RAD52: variants seen among roughly 807,000 people sequenced by gnomAD.
RAD52 encodes the protein DNA repair protein RAD52 homolog.
RAD52 carries 47 observed loss-of-function variants against 55.5 expected under a neutral mutation model. The ratio of observed to expected loss-of-function variants is 0.85; its 90% confidence interval spans 0.67 to 1.08. The LOEUF (loss-of-function observed/expected upper bound fraction) is 1.08, where lower values mean the gene tolerates loss of function less well. Ranked by LOEUF, RAD52 falls within the 50% of genes least tolerant of loss-of-function variation. RAD52 has a pLI of 0.00. For missense variants in RAD52, 468 were observed against 522.8 expected (o/e 0.90, Z 1.02); for synonymous variants, 184 against 198.9 (o/e 0.92, Z 0.63).
chr12:941,173 T>C (rs1254909173), intron 1 of RAD52, among the ~76,000 whole-genome samples: 1 of 151,916 alleles, frequency 6.6e-6, no homozygotes, highest in African/African-American at 2.4e-5. Context: ...TGAAAGCAGG[T>C]AGAGAATGAT....
intron 1 of RAD52, among the ~76,000 whole-genome samples, chr12:958,287 C>T (rs1958637315): frequency 6.6e-6 from 1 of 152,196 alleles, no homozygotes; most frequent in Non-Finnish European, 1.5e-5. Context: ...CAGATCTTGG[C>T]TCACTGCAAA....
intron 1 of RAD52, 102 bp from the exon 2 acceptor site, chr12:933,178 G>T: frequency 1.3e-6 from 1 of 793,218 alleles, no homozygotes; most frequent in Non-Finnish European, 2.0e-6. Context: ...TCCTTATGCG[G>T]CCAGGCACAG....
rs780419401 is a variant in RAD52 at position 913,970 on chromosome 12, G to A, written c.1119C>T (p.Ser373=). The A allele has an allele frequency of 4.6e-5, 74 of 1,614,022 alleles. No individual in the cohort carries two copies. The highest frequency in any genetic ancestry group is 1.3e-4 in the Admixed American group (8 of 59,990). The change falls in exon 11 of 12, where the codon AGC becomes AGT. Residue 373 remains serine (S), a synonymous_variant. Coordinates refer to ENST00000358495, the MANE Select transcript of RAD52 (RefSeq NM_134424.4). The stretch of plus-strand genomic sequence containing the variant: ...TTGCTTGTGGTTTCTGGTGGCAAAC[G>A]CTGTGTGGAGTCCTGTTCTGGGTCA... ...QMVTQNRTPH[S]VCHQKPQAKS... is the part of the protein sequence containing the mutation.
intron 1 of RAD52, among the ~76,000 whole-genome samples, chr12:960,497 G>A (rs1412342689): frequency 6.6e-6 from 1 of 152,136 alleles, no homozygotes; most frequent in Non-Finnish European, 1.5e-5. Flanking sequence ...TTGTTTGCTT[G>A]TTCTGACACC....
rs1565672998 is a variant in RAD52, at chr12:932,815, A to ACG, written c.84+159_84+160insCG. Among the ~76,000 whole-genome samples the ACG allele has an allele frequency of 2.4e-3, 203 of 85,394 alleles. 2 individuals carry two copies. Among genetic ancestry groups the ACG allele is most frequent in the African/African-American group, 3.2e-3 (97 of 29,998 alleles). 56.0% of individuals were successfully genotyped at this position (85,394 alleles called of 152,430 possible). A position where few individuals can be genotyped will look rare whatever the true frequency, so the allele number is the denominator to read the frequency against. On this transcript the variant is annotated intron_variant, in intron 2 of 11. Coordinates refer to ENST00000358495, the MANE Select transcript of RAD52 (RefSeq NM_134424.4). ...CGCGTCAACGTACTAGGTACTGCTC[A>ACG]CACACGTACTAGGTAAACGTACTAG...
At chr12:968,766 C>A (rs1958802359) in intron 1 of RAD52, among the ~76,000 whole-genome samples, 1 of 152,014 alleles carries the variant, frequency 6.6e-6, no homozygotes, top group Non-Finnish European at 1.5e-5. Context: ...CTGAGAAGGC[C>A]CTGAACCTGC....
chr12:978,057 G>GT (rs1254834522), intron 1 of RAD52, among the ~76,000 whole-genome samples: 1 of 152,206 alleles, frequency 6.6e-6, no homozygotes, highest in African/African-American at 2.4e-5. Context: ...TTCCAGGCCA[G>GT]TTGTCTTATA....
chr12:916,629 G>A lies in RAD52; in HGVS notation c.725+10C>T, dbSNP rs1956399795. On this transcript the variant is annotated intron_variant, in intron 8 of 11. Transcript: ENST00000358495. ...GCCGCAGAGGAAAGGAGGGGACTTA[G>A]GCCGCATACCGGGAGCTGCAGTCCT... 20 of 1,611,192 alleles carry A rather than the reference G, an allele frequency of 1.2e-5. No individual in the cohort carries two copies. Among genetic ancestry groups the A allele is most frequent in the African/African-American group, 2.7e-5 (2 of 74,968 alleles).
intron 6 of RAD52, 113 bp downstream of exon 6, chr12:927,032 G>A (rs1957073227): frequency 4.6e-6 from 7 of 1,518,642 alleles, no homozygotes; most frequent in Middle Eastern, 2.2e-4. Context: ...TACCTTCCAC[G>A]CTGCTTGGAT....
At chr12:917,286 A>G (rs1408843863) in intron 7 of RAD52, among the ~76,000 whole-genome samples, 1 of 152,164 alleles carries the variant, frequency 6.6e-6, no homozygotes, top group Non-Finnish European at 1.5e-5. Context: ...GGAGGCACGG[A>G]CGCCGGCTGC....
chr12:927,269 GGCAGAAAAGGA>G lies in RAD52; in HGVS notation c.349-17_349-7del. The G allele has an allele frequency of 6.2e-7, 1 of 1,603,620 alleles. No individual in the cohort carries two copies. The highest frequency in any genetic ancestry group is 8.5e-7 in the Non-Finnish European group (1 of 1,170,578). ...TCTTCATGATATGAACCATCCTGGG[GGCAGAAAAGGA>G]GTTTGAACTCAAACACGAGAGCGGC... On this transcript the variant is annotated splice_polypyrimidine_tract_variant and splice_region_variant and intron_variant, in intron 5 of 11. Transcript: ENST00000358495.
chr12:955,622 C>T (rs562787841), intron 1 of RAD52, among the ~76,000 whole-genome samples: 8 of 152,034 alleles, frequency 5.3e-5, no homozygotes, highest in East Asian at 1.9e-4. Context: ...TACAGGCACA[C>T]GCCACCACGC....
At chr12:950,979 C>G (rs572674515), upstream of RAD52, among the ~76,000 whole-genome samples, 1 of 151,158 alleles carries the variant, frequency 6.6e-6, no homozygotes, top group African/African-American at 2.4e-5. Context: ...CTCGAACTCC[C>G]AACCTCAGGT....
intron 1 of RAD52, among the ~76,000 whole-genome samples, chr12:942,078 T>G (rs970791334): frequency 1.3e-5 from 2 of 152,222 alleles, no homozygotes; most frequent in Admixed American, 6.5e-5. Context: ...TTTACCAGAC[T>G]TTTCTGTAAA....
At chr12:930,369 A>G (rs10849593) in intron 3 of RAD52, among the ~76,000 whole-genome samples, 20,545 of 151,872 alleles carry the variant, frequency 0.14, 1,672 homozygotes, top group Middle Eastern at 0.22. Flanking sequence ...ACAGAGTGAG[A>G]ACCAGTCTGT....
At position 914,548 on chromosome 12, in the gene RAD52, G is replaced by T. The variant is rs762488517; in HGVS notation, c.866-16C>A. On this transcript the variant is annotated splice_polypyrimidine_tract_variant and intron_variant, in intron 9 of 11. Transcript: ENST00000358495. Reference sequence around the variant, plus strand: ...GGAGGCGCTGCTACGGTTCACAGAGGAGAGAAAGGACAAGTCATCATCACA... The same window carrying T: ...GGAGGCGCTGCTACGGTTCACAGAGTAGAGAAAGGACAAGTCATCATCACA... The T allele has an allele frequency of 6.2e-7, 1 of 1,612,450 alleles. No individual in the cohort carries two copies. Among genetic ancestry groups the T allele is most frequent in the Non-Finnish European group, 8.5e-7 (1 of 1,179,788 alleles).
chr12:982,724 G>T (rs908584439), intron 1 of RAD52, among the ~76,000 whole-genome samples: 22 of 146,750 alleles, frequency 1.5e-4, no homozygotes, highest in Admixed American at 4.9e-4. Context: ...GGAGCGCAGT[G>T]GTGGGATCAC....
At chr12:926,577 C>T (rs1455040321) in intron 6 of RAD52, among the ~76,000 whole-genome samples, 1 of 152,142 alleles carries the variant, frequency 6.6e-6, no homozygotes, top group Admixed American at 6.6e-5. Context: ...CTCCCTCTCT[C>T]TCCACGTTCC....
chr12:964,135 T>C (rs908731732), intron 1 of RAD52, among the ~76,000 whole-genome samples: 3 of 152,164 alleles, frequency 2.0e-5, no homozygotes, highest in Non-Finnish European at 4.4e-5. Context: ...ATTTAGGCGA[T>C]GTGACTTTGG....
Sources: gnomAD v4.1 joint callset for allele counts (sites outside exome capture counted in the v4.1 genomes callset) on GRCh38, gnomAD v4.1.1 for gene constraint, MANE v1.5 for transcripts, NCBI Gene and HGNC (gene_info 2026-07-23, HGNC 2026-07-21) for gene names.